SOAT1: variants seen among roughly 807,000 people sequenced by gnomAD.
The protein encoded by SOAT1 is acyl-coenzyme A:cholesterol acyltransferase 1.
In SOAT1, 55 loss-of-function variants were observed where a neutral mutation model predicts 69.5. The observed-to-expected ratio is 0.79, with a 90% CI of 0.64 to 0.99. SOAT1 has a LOEUF of 0.99. Ranked by LOEUF, SOAT1 falls within the 50% of genes least tolerant of loss-of-function variation. The pLI is 0.00. For synonymous variants in SOAT1, 231 were observed against 224.7 expected (o/e 1.03, Z -0.25); for missense variants, 580 against 669.3 (o/e 0.87, Z 1.47).
chr1:179,338,851 A>G lies in SOAT1; in HGVS notation c.390-587A>G, dbSNP rs956135293. Among the ~76,000 whole-genome samples the G allele has an allele frequency of 2.6e-5, 4 of 152,262 alleles. 1 individual carries two copies. The highest frequency in any genetic ancestry group is 6.8e-3 in the Middle Eastern group (2 of 294). On this transcript the variant is annotated intron_variant, in intron 5 of 15. Coordinates refer to ENST00000367619, the MANE Select transcript of SOAT1 (RefSeq NM_003101.6). The stretch of plus-strand genomic sequence containing the variant: ...CTTGGTCCAGAGATTGAGTAGTAGT[A>G]TATTAGATTACTCAAAATCATTTAA...
At position 179,305,341 on chromosome 1, in the gene SOAT1, C is replaced by T. The variant is rs77044014; in HGVS notation, c.118+2539C>T. Among the ~76,000 whole-genome samples the T allele has an allele frequency of 7.8e-3, 1,183 of 152,162 alleles. 7 individuals carry two copies. The highest frequency in any genetic ancestry group is 0.027 in the African/African-American group (1,102 of 41,516). On this transcript the variant is annotated intron_variant, in intron 2 of 15. Transcript: ENST00000367619. ...GGCATGATTATAGCACATGCAGCCT[C>T]GATCTCCTGGCCTCAAGTGATCTTC...
At chr1:179,311,452 G>C (rs1002990779) in intron 2 of SOAT1, among the ~76,000 whole-genome samples, 11 of 152,100 alleles carry the variant, frequency 7.2e-5, no homozygotes, top group Non-Finnish European at 1.5e-4. Context: ...TGCAGAAATG[G>C]GTGGAAACTA....
intron 10 of SOAT1, among the ~76,000 whole-genome samples, chr1:179,344,351 GGGTT>G (rs1666446683): frequency 6.8e-4 from 3 of 4,406 alleles, no homozygotes; most frequent in South Asian, 9.8e-3. Context: ...TTTCATTAAG[GGGTT>G]TTTTTTTTTT....
chr1:179,339,606 A>G (rs538049283), intron 6 of SOAT1, 61 bp downstream of exon 6: 3 of 1,112,176 alleles, frequency 2.7e-6, no homozygotes, highest in Admixed American at 4.4e-5. Context: ...GTTTTCACTA[A>G]ATTTTGGTAA....
intron 12 of SOAT1, among the ~76,000 whole-genome samples, 194 bp downstream of exon 12, chr1:179,347,891 G>C (rs954958219): frequency 1.3e-5 from 2 of 152,124 alleles, no homozygotes; most frequent in Non-Finnish European, 2.9e-5. Context: ...GTTTTCTTCT[G>C]TCTCTAATAT....
rs560744037 is a variant in SOAT1 at position 179,315,585 on chromosome 1, G to A, written c.119-7852G>A. ...TTTCTTTGTAATATTGTATGAAGAG[G>A]TATTTTGAAGGTAAAGGAAAATGAA... On this transcript the variant is annotated intron_variant, in intron 2 of 15. Transcript: ENST00000367619. Among the ~76,000 whole-genome samples, 11 of 152,256 alleles carry A rather than the reference G, an allele frequency of 7.2e-5. No homozygotes were observed. The East Asian group carries it at 1.5e-3, about 21-fold the overall frequency.
chr1:179,307,733 G>T (rs536361866), intron 2 of SOAT1, among the ~76,000 whole-genome samples: 13 of 152,230 alleles, frequency 8.5e-5, no homozygotes, highest in African/African-American at 3.1e-4. Context: ...GCAAAGCCAA[G>T]GATAGCAAAT....
At chr1:179,308,670 CAA>C (rs552539528) in intron 2 of SOAT1, among the ~76,000 whole-genome samples, 65 of 99,238 alleles carry the variant, frequency 6.5e-4, no homozygotes, top group African/African-American at 7.0e-4. Context: ...AGACTCCGTC[CAA>C]AAAAAAAAAA....
chr1:179,353,218 T>TAAATATAAATATATATATATAA (rs1666804022), intron 15 of SOAT1, among the ~76,000 whole-genome samples: 3 of 120,498 alleles, frequency 2.5e-5, no homozygotes, highest in Non-Finnish European at 3.4e-5. Context: ...AATATATATA[T>TAAATATAAATATATATATATAA]ATATATCTAT....
chr1:179,333,587 T>G (rs932821450), intron 3 of SOAT1, among the ~76,000 whole-genome samples: 1 of 151,966 alleles, frequency 6.6e-6, no homozygotes, highest in African/African-American at 2.4e-5. Flanking sequence ...ACGTCTGTAA[T>G]CCCAGCACTT....
chr1:179,307,792 C>CA (rs1665058829), intron 2 of SOAT1, among the ~76,000 whole-genome samples: 1 of 140,440 alleles, frequency 7.1e-6, no homozygotes, highest in Non-Finnish European at 1.6e-5. Context: ...AAGGTATTAT[C>CA]TTTTTTTTTT....
In SOAT1 at chr1:179,356,127, G is replaced by A. The variant is rs1354486099; in HGVS notation, c.*2486G>A. Reference sequence around the variant, plus strand: ...ATTTTTTCTATTTTGCTATTGTGGCGAAAATTATTTTCAGTTATAGGATAC... The same window carrying A: ...ATTTTTTCTATTTTGCTATTGTGGCAAAAATTATTTTCAGTTATAGGATAC... On this transcript the variant is annotated 3_prime_UTR_variant, in exon 16 of 16. Transcript: ENST00000367619. 6.6e-6 allele frequency: 1 copy of A among 152,092 alleles called. No individual in the cohort carries two copies. Among genetic ancestry groups the A allele is most frequent in the African/African-American group, 2.4e-5 (1 of 41,410 alleles). The allele number at this position is 152,092 out of a possible 1,614,324, so 9.4% of individuals were successfully genotyped here.
intron 1 of SOAT1, among the ~76,000 whole-genome samples, chr1:179,296,068 G>A (rs536525608): frequency 3.9e-5 from 5 of 129,384 alleles, no homozygotes; most frequent in South Asian, 2.6e-4. Flanking sequence ...TGATCCACCC[G>A]CCTCAGCCTC....
At chr1:179,341,722 A>G (rs556902309) in intron 7 of SOAT1, among the ~76,000 whole-genome samples, 1 of 152,040 alleles carries the variant, frequency 6.6e-6, no homozygotes, top group South Asian at 2.1e-4. Context: ...TTTAGTAGAG[A>G]TGGGGTTTCA....
chr1:179,308,178 C>G (rs547382686), intron 2 of SOAT1, among the ~76,000 whole-genome samples: 1 of 152,264 alleles, frequency 6.6e-6, no homozygotes, highest in Admixed American at 6.5e-5. Context: ...TGTATATCAA[C>G]TGAGAATTAT....
chr1:179,336,906 A>T (rs1283226408), intron 4 of SOAT1, among the ~76,000 whole-genome samples: 1 of 152,002 alleles, frequency 6.6e-6, no homozygotes, highest in Admixed American at 6.6e-5. Flanking sequence ...GAGGCAGGAG[A>T]ATCACTCAAA....
intron 3 of SOAT1, among the ~76,000 whole-genome samples, chr1:179,333,562 G>A (rs555537883): frequency 2.0e-4 from 30 of 151,246 alleles, no homozygotes; most frequent in Non-Finnish European, 3.5e-4. Context: ...AGTTTCAGGC[G>A]GGGCACGGTG....
At chr1:179,298,538 C>T (rs566873865) in intron 1 of SOAT1, among the ~76,000 whole-genome samples, 30 of 151,400 alleles carry the variant, frequency 2.0e-4, no homozygotes, top group South Asian at 1.7e-3. Flanking sequence ...GCGACCTGTG[C>T]TCACTGCAAC....
chr1:179,310,475 G>C (rs1665185996), intron 2 of SOAT1, among the ~76,000 whole-genome samples: 1 of 152,130 alleles, frequency 6.6e-6, no homozygotes, highest in African/African-American at 2.4e-5. Context: ...TTTTTCTGAA[G>C]TAGTGCAGAC....
Sources: allele counts gnomAD v4.1 joint callset (sites outside exome capture counted in the v4.1 genomes callset), GRCh38; gene constraint gnomAD v4.1.1; transcripts MANE v1.5; gene names NCBI Gene and HGNC (gene_info 2026-07-23, HGNC 2026-07-21).